SLC24A2: variants seen among roughly 807,000 people sequenced by gnomAD.
SLC24A2 encodes the protein sodium/potassium/calcium exchanger 2.
Under a neutral mutation model 62.0 loss-of-function variants are expected in SLC24A2, and 36 were observed. That is an observed-to-expected ratio of 0.58 (90% CI 0.44 to 0.77). SLC24A2 has a LOEUF of 0.77. SLC24A2 is among the 30% of genes least tolerant of loss of function. The pLI, the probability that SLC24A2 is intolerant of heterozygous loss-of-function variation, is 0.00. For missense variants in SLC24A2, 846 were observed against 817.9 expected, an observed-to-expected ratio of 1.03 and a Z score of -0.42; for synonymous variants, 358 against 294.0, an observed-to-expected ratio of 1.22 and a Z score of -2.23.
At chr9:19,595,786 G>A (rs72700502) in intron 5 of SLC24A2, among the ~76,000 whole-genome samples, 2,441 of 152,304 alleles carry the variant, frequency 0.016, 62 homozygotes, top group Admixed American at 0.053. Flanking sequence ...TAATGGACAG[G>A]ATGGAGGAAA....
chr9:19,820,038 TATACATATATATATATACAC>T, the SLC24A2 span, among the ~76,000 whole-genome samples: 1 of 107,358 alleles, frequency 9.3e-6, no homozygotes, highest in African/African-American at 4.2e-5. Flanking sequence ...CATATATATA[TATACATATATATATATACAC>T]ATATATATAT....
intron 2 of SLC24A2, among the ~76,000 whole-genome samples, chr9:19,687,530 C>T (rs1819919191): frequency 6.6e-6 from 1 of 152,102 alleles, no homozygotes; most frequent in South Asian, 2.1e-4. Flanking sequence ...TGTTTCCTGA[C>T]TTCCTCACAC....
At chr9:19,791,596 T>C (rs1028561218), upstream of SLC24A2, among the ~76,000 whole-genome samples, 2 of 152,212 alleles carry the variant, frequency 1.3e-5, no homozygotes, top group African/African-American at 4.8e-5. Flanking sequence ...GGCTACAACT[T>C]CCATCCTGGT....
the SLC24A2 span, among the ~76,000 whole-genome samples, chr9:20,282,269 C>A: frequency 6.6e-6 from 1 of 152,012 alleles, no homozygotes; most frequent in Non-Finnish European, 1.5e-5. Context: ...AGAAAAGGAT[C>A]CAAAAGAAAT....
chr9:20,302,621 G>T, the SLC24A2 span, among the ~76,000 whole-genome samples: 1 of 151,902 alleles, frequency 6.6e-6, no homozygotes, highest in African/African-American at 2.4e-5. Flanking sequence ...TTTTCTTTTG[G>T]ATAGCAGTCC....
At position 19,550,191 on chromosome 9, in the gene SLC24A2, A is replaced by C; in HGVS notation, c.1425T>G (p.Ile475Met). Reference protein sequence around the residue: ...SETRKQVTFLIVFPIVFPLWI... With the variant: ...SETRKQVTFLMVFPIVFPLWI... ...AGAGAGGAAACACTATGGGGAAAAC[A>C]ATCAGAAACGTGACTTGCTTGCGGG... The change falls in exon 8 of 11, where the codon ATT becomes ATG. Residue 475 changes from isoleucine to methionine, a missense_variant. By Grantham distance (10) the Ile-to-Met change is conservative (BLOSUM62 1). Coordinates refer to ENST00000341998, the MANE Select transcript of SLC24A2 (RefSeq NM_020344.4). 6.2e-7 allele frequency: 1 copy of C among 1,614,184 alleles called. No homozygotes were observed. Among genetic ancestry groups the C allele is most frequent in the Non-Finnish European group, 8.5e-7 (1 of 1,179,994 alleles).
At chr9:20,246,649 G>A in the SLC24A2 span, among the ~76,000 whole-genome samples, 1 of 152,220 alleles carries the variant, frequency 6.6e-6, no homozygotes, top group African/African-American at 2.4e-5. Flanking sequence ...AGAAAAGAGG[G>A]AAAAAATTCA....
chr9:19,871,319 A>T, the SLC24A2 span, among the ~76,000 whole-genome samples: 3 of 152,134 alleles, frequency 2.0e-5, no homozygotes, highest in Non-Finnish European at 4.4e-5. Context: ...TTTGACTATA[A>T]ATTGTTTAGA....
chr9:20,063,434 T>C, the SLC24A2 span, among the ~76,000 whole-genome samples: 17 of 137,764 alleles, frequency 1.2e-4, no homozygotes, highest in East Asian at 2.2e-4. Flanking sequence ...TAGGTGGGAA[T>C]TGAACAATGA....
chr9:19,796,420 C>G, the SLC24A2 span, among the ~76,000 whole-genome samples: 1 of 152,210 alleles, frequency 6.6e-6, no homozygotes, highest in African/African-American at 2.4e-5. Context: ...AGTTTTACAT[C>G]TCCCACATGG....
At chr9:19,795,003 G>A in the SLC24A2 span, among the ~76,000 whole-genome samples, 2 of 152,178 alleles carry the variant, frequency 1.3e-5, no homozygotes, top group African/African-American at 2.4e-5. Context: ...CATGTGCCTT[G>A]AGCCTCAAAC....
chr9:19,824,292 T>C, the SLC24A2 span, among the ~76,000 whole-genome samples: 1 of 151,880 alleles, frequency 6.6e-6, no homozygotes. Context: ...AGGGCTAATA[T>C]CCAGAATCTA....
the SLC24A2 span, among the ~76,000 whole-genome samples, chr9:19,889,533 T>C: frequency 5.7e-3 from 863 of 152,316 alleles, 21 homozygotes; most frequent in East Asian, 0.073. Context: ...AGAACGCTTC[T>C]TCCCCTATTG....
chr9:20,010,937 A>T, the SLC24A2 span, among the ~76,000 whole-genome samples: 1 of 151,466 alleles, frequency 6.6e-6, no homozygotes, highest in Admixed American at 6.6e-5. Flanking sequence ...AAGGACAAGA[A>T]CTCATCATTT....
At chr9:19,579,703 C>T (rs1167373111) in intron 5 of SLC24A2, among the ~76,000 whole-genome samples, 2 of 152,260 alleles carry the variant, frequency 1.3e-5, no homozygotes, top group East Asian at 1.9e-4. Flanking sequence ...AATAACTCAA[C>T]TCAAATAATG....
intron 7 of SLC24A2, among the ~76,000 whole-genome samples, chr9:19,556,690 G>A (rs1351173925): frequency 2.0e-5 from 3 of 152,136 alleles, no homozygotes; most frequent in African/African-American, 7.2e-5. Flanking sequence ...TGGGAAGCCT[G>A]TTCAGTGTGG....
At chr9:19,741,634 T>C (rs1163945148) in intron 2 of SLC24A2, among the ~76,000 whole-genome samples, 1 of 152,208 alleles carries the variant, frequency 6.6e-6, no homozygotes, top group Non-Finnish European at 1.5e-5. Flanking sequence ...CTTTAGATAA[T>C]TAACAACTTT....
At chr9:19,853,671 G>T in the SLC24A2 span, among the ~76,000 whole-genome samples, 1 of 152,194 alleles carries the variant, frequency 6.6e-6, no homozygotes. Flanking sequence ...CTTGATCATG[G>T]TGGATAAGCT....
chr9:20,035,319 A>G, the SLC24A2 span, among the ~76,000 whole-genome samples: 1 of 152,222 alleles, frequency 6.6e-6, no homozygotes, highest in East Asian at 1.9e-4. Flanking sequence ...TATATAGGAA[A>G]TGCTCAATAA....
Sources: allele counts gnomAD v4.1 joint callset (sites outside exome capture counted in the v4.1 genomes callset), GRCh38; gene constraint gnomAD v4.1.1; transcripts MANE v1.5; gene names NCBI Gene and HGNC (gene_info 2026-07-23, HGNC 2026-07-21).